Variants in HSF2BP observed in about 807,000 individuals in gnomAD.
The protein encoded by HSF2BP is heat shock factor 2-binding protein.
Under a neutral mutation model 35.0 loss-of-function variants are expected in HSF2BP, and 35 were observed. The ratio of observed to expected loss-of-function variants is 1.00; its 90% CI spans 0.76 to 1.32. The LOEUF (loss-of-function observed/expected upper bound fraction) is 1.32. HSF2BP is among the 40% of genes most tolerant of loss of function. The pLI, the probability that HSF2BP is intolerant of heterozygous loss-of-function variation, is 0.00. For missense variants in HSF2BP, 326 were observed against 321.7 expected (o/e 1.01, Z -0.10); for synonymous variants, 114 against 117.4 (o/e 0.97, Z 0.18).
intron 7 of HSF2BP, among the ~76,000 whole-genome samples, chr21:43,612,282 A>G (rs982891595): frequency 2.0e-5 from 3 of 152,214 alleles, no homozygotes; most frequent in Non-Finnish European, 2.9e-5. Flanking sequence ...GGGAAAAAAC[A>G]ATCAAGAGAC....
At chr21:43,612,105 A>G (rs553465886) in intron 7 of HSF2BP, among the ~76,000 whole-genome samples, 1 of 152,292 alleles carries the variant, frequency 6.6e-6, no homozygotes, top group East Asian at 1.9e-4. Flanking sequence ...CTGAAACCAA[A>G]CAGAGAAAAG....
At chr21:43,652,400 C>CAAAAAAAAAAAAAAAA (rs35714746) in intron 3 of HSF2BP, among the ~76,000 whole-genome samples, 2 of 89,360 alleles carry the variant, frequency 2.2e-5, no homozygotes, top group African/African-American at 4.2e-5. Flanking sequence ...CAGACACCAT[C>CAAAAAAAAAAAAAAAA]AAAAAAAAAA....
At chr21:43,594,747 G>A (rs923289248) in intron 7 of HSF2BP, among the ~76,000 whole-genome samples, 12 of 151,894 alleles carry the variant, frequency 7.9e-5, no homozygotes, top group African/African-American at 1.5e-4. Context: ...GGGAGGAAGC[G>A]AGGGAGAAAG....
intron 7 of HSF2BP, among the ~76,000 whole-genome samples, chr21:43,602,787 A>G (rs1253844172): frequency 6.6e-6 from 1 of 152,078 alleles, no homozygotes; most frequent in Non-Finnish European, 1.5e-5. Flanking sequence ...CTACACCCCA[A>G]CTGGAAATCC....
At position 43,658,121 on chromosome 21, in the gene HSF2BP, C is replaced by A. The variant is rs369311925; in HGVS notation, c.-25G>T. 161 of 1,520,426 alleles carry A rather than the reference C, an allele frequency of 1.1e-4. No homozygotes were observed. The African/African-American group carries it at 1.9e-3, about 18-fold the overall frequency. 94.2% of individuals were successfully genotyped at this position (1,520,426 alleles called of 1,614,324 possible). A position where few individuals can be genotyped will look rare whatever the true frequency, so the allele number is the denominator to read the frequency against. ...TGGCCGCTGCCGCCTCCGCTCCGTT[C>A]GCCTGAGCGTCGGCGCGCCCTCTGA... On this transcript the variant is annotated 5_prime_UTR_variant, in exon 2 of 9. Coordinates refer to ENST00000291560, the MANE Select transcript of HSF2BP (RefSeq NM_007031.2).
chr21:43,635,489 T>C (rs990816676), intron 4 of HSF2BP, among the ~76,000 whole-genome samples: 1 of 152,148 alleles, frequency 6.6e-6, no homozygotes, highest in Non-Finnish European at 1.5e-5. Flanking sequence ...GATGGACATA[T>C]AGATCAGTGA....
At chr21:43,642,619 A>G (rs2082652353) in intron 4 of HSF2BP, among the ~76,000 whole-genome samples, 1 of 151,862 alleles carries the variant, frequency 6.6e-6, no homozygotes, top group Non-Finnish European at 1.5e-5. Context: ...GCTTCCCTCT[A>G]TATTAAATTG....
At position 43,597,467 on chromosome 21, in the gene HSF2BP, T is replaced by C. The variant is rs1340444824; in HGVS notation, c.693-5139A>G. On this transcript the variant is annotated intron_variant, in intron 7 of 8. Coordinates refer to ENST00000291560, the MANE Select transcript of HSF2BP (RefSeq NM_007031.2). The surrounding 1 kb of genome is among the most constrained non-coding windows in gnomAD (Gnocchi z 4.3). ...GTGGCCCATATTTTTAAAAATGTAA[T>C]GCAATATTTTAAAAAAATATATTAA... Among the ~76,000 whole-genome samples the C allele has an allele frequency of 1.3e-5, 2 of 152,170 alleles. No individual in the cohort carries two copies. Among genetic ancestry groups the C allele is most frequent in the Non-Finnish European group, 1.5e-5 (1 of 68,026 alleles).
At chr21:43,612,333 C>G (rs772150409) in intron 7 of HSF2BP, among the ~76,000 whole-genome samples, 6 of 152,050 alleles carry the variant, frequency 3.9e-5, no homozygotes, top group Non-Finnish European at 8.8e-5. Flanking sequence ...GCACCTGGCA[C>G]AGACTTTACA....
chr21:43,627,781 G>A (rs1229399507), intron 6 of HSF2BP, among the ~76,000 whole-genome samples: 2 of 152,152 alleles, frequency 1.3e-5, no homozygotes, highest in Non-Finnish European at 2.9e-5. Flanking sequence ...CAAATTGAAG[G>A]AATGTGGCAA....
intron 8 of HSF2BP, among the ~76,000 whole-genome samples, chr21:43,535,754 T>TAA (rs1178906903): frequency 2.9e-4 from 1 of 3,500 alleles, no homozygotes; most frequent in Non-Finnish European, 5.1e-4. Context: ...TAAAATAAAA[T>TAA]AATAAAATAA....
intron 6 of HSF2BP, among the ~76,000 whole-genome samples, chr21:43,615,149 G>A (rs1395377118): frequency 6.6e-6 from 1 of 152,208 alleles, no homozygotes; most frequent in East Asian, 1.9e-4. Flanking sequence ...AGTTGGGTCT[G>A]ACAGTAAAGC....
Position 43,599,897 on chromosome 21 carries a change from T to C in HSF2BP, c.693-7569A>G, listed in dbSNP as rs903600812. Among the ~76,000 whole-genome samples the C allele has an allele frequency of 2.3e-4, 34 of 149,784 alleles. No homozygotes were observed. In the East Asian group the frequency reaches 4.5e-3, roughly 20 times the overall value. ...AAAAAAAAAAAAAGTAGGCAAATTCTGCTTCCTGCCACAAACCTCAGCAGA... is the reference window on the plus strand; with the variant it reads ...AAAAAAAAAAAAAGTAGGCAAATTCCGCTTCCTGCCACAAACCTCAGCAGA... On this transcript the variant is annotated intron_variant, in intron 7 of 8. Coordinates refer to ENST00000291560, the MANE Select transcript of HSF2BP (RefSeq NM_007031.2).
At chr21:43,617,094 C>T (rs904816760) in intron 6 of HSF2BP, among the ~76,000 whole-genome samples, 4 of 152,084 alleles carry the variant, frequency 2.6e-5, no homozygotes, top group Non-Finnish European at 4.4e-5. Context: ...TGTTGGAGAG[C>T]AGAAGCAGCA....
At chr21:43,591,748 A>G (rs761097949) in intron 8 of HSF2BP, among the ~76,000 whole-genome samples, 1 of 152,210 alleles carries the variant, frequency 6.6e-6, no homozygotes, top group Non-Finnish European at 1.5e-5. Flanking sequence ...GAAATAAACA[A>G]TTCTTAAGTT....
chr21:43,650,702 CTTTTTTTTTT>C lies in HSF2BP; in HGVS notation c.187+5875_187+5884del, dbSNP rs998092548. 7.1e-5 allele frequency among the ~76,000 whole-genome samples: 7 copies of C among 99,284 alleles called. No homozygotes were observed. In the Admixed American group the frequency reaches 8.4e-4, roughly 12 times the overall value. 65.1% of individuals were successfully genotyped at this position (99,284 alleles called of 152,430 possible). A position where few individuals can be genotyped will look rare whatever the true frequency, so the allele number is the denominator to read the frequency against. On this transcript the variant is annotated intron_variant, in intron 3 of 8. Transcript: ENST00000291560. ...GGTTCCTATAGTGTTTTCAGGCTTG[CTTTTTTTTTT>C]TTTTTTTTTTTTTGAGATGGAGTCT...
At chr21:43,596,358 CAAAAAT>C (rs911652016) in intron 7 of HSF2BP, among the ~76,000 whole-genome samples, 8 of 151,584 alleles carry the variant, frequency 5.3e-5, no homozygotes, top group African/African-American at 1.9e-4. Context: ...AATGAATATA[CAAAAAT>C]AAAACTTGTG....
At chr21:43,632,884 T>TGC (rs1002511482) in intron 5 of HSF2BP, among the ~76,000 whole-genome samples, 2 of 151,462 alleles carry the variant, frequency 1.3e-5, no homozygotes, top group African/African-American at 4.9e-5. Context: ...TGTATGTGTG[T>TGC]GTGTGTGTAT....
intron 8 of HSF2BP, among the ~76,000 whole-genome samples, chr21:43,584,003 G>T (rs1425403888): frequency 8.0e-6 from 1 of 125,308 alleles, no homozygotes. Context: ...GAGATGAAGG[G>T]CCTGCTGAGG....
Sources: gnomAD v4.1 joint callset for allele counts (sites outside exome capture counted in the v4.1 genomes callset) on GRCh38, gnomAD v4.1.1 for gene constraint, Gnocchi (gnomAD v3.1) non-coding constraint, MANE v1.5 for transcripts, NCBI Gene and HGNC (gene_info 2026-07-23, HGNC 2026-07-21) for gene names.